Variants in SOX5 observed in about 807,000 individuals in gnomAD.
SOX5 encodes the protein transcription factor SOX-5.
In SOX5, 9 loss-of-function variants were observed where a neutral mutation model predicts 92.0. The observed-to-expected ratio is 0.10, with a 90% CI of 0.06 to 0.17. SOX5 has a LOEUF of 0.17. Among genes scored for constraint, SOX5 ranks in the 10% least tolerant of loss-of-function variants. The pLI is 1.00. For missense variants in SOX5, 642 were observed against 944.5 expected, an observed-to-expected ratio of 0.68 and a Z score of 4.20; for synonymous variants, 344 against 336.3, an observed-to-expected ratio of 1.02 and a Z score of -0.25.
chr12:24,045,465 T>C (rs1042055721), intron 4 of SOX5, among the ~76,000 whole-genome samples: 2 of 152,036 alleles, frequency 1.3e-5, no homozygotes, highest in Non-Finnish European at 2.9e-5. Flanking sequence ...GCCCAGCTAA[T>C]TTTTAAATTT....
At chr12:24,145,691 G>A (rs1353818988) in intron 4 of SOX5, among the ~76,000 whole-genome samples, 1 of 152,030 alleles carries the variant, frequency 6.6e-6, no homozygotes, top group African/African-American at 2.4e-5. Flanking sequence ...TTCTTTTGTA[G>A]AGGCAGGGTT....
Position 24,344,387 on chromosome 12 carries a change from T to C in SOX5, c.-174+24176A>G, listed in dbSNP as rs531604695. On this transcript the variant is annotated intron_variant, in intron 2 of 4. Transcript: ENST00000446891. The stretch of plus-strand genomic sequence containing the variant: ...TTCCATGGAGTGCTCTCATTGCTGC[T>C]TGGCCAGTTTGCGATTTGGTATCTG... Among the ~76,000 whole-genome samples the C allele has an allele frequency of 8.5e-5, 13 of 152,068 alleles. No individual in the cohort carries two copies. The East Asian group carries it at 2.3e-3, about 27-fold the overall frequency.
chr12:24,228,493 T>A (rs945223848), intron 3 of SOX5, among the ~76,000 whole-genome samples: 6 of 152,202 alleles, frequency 3.9e-5, no homozygotes, highest in African/African-American at 7.2e-5. Context: ...CATCTTTTTT[T>A]AAGCTCTATG....
At chr12:23,844,557 T>A (rs2136006740) in intron 3 of SOX5, among the ~76,000 whole-genome samples, 1 of 152,160 alleles carries the variant, frequency 6.6e-6, no homozygotes, top group South Asian at 2.1e-4. Context: ...TCAAAAAAAT[T>A]CAGATAAGAT....
intron 3 of SOX5, among the ~76,000 whole-genome samples, chr12:24,239,938 C>T (rs749144067): frequency 1.3e-5 from 2 of 152,114 alleles, no homozygotes; most frequent in Non-Finnish European, 2.9e-5. Flanking sequence ...AATAAAACTG[C>T]ATTGCCACAG....
At chr12:24,080,217 C>T (rs1943154636) in intron 4 of SOX5, among the ~76,000 whole-genome samples, 1 of 151,882 alleles carries the variant, frequency 6.6e-6, no homozygotes, top group Non-Finnish European at 1.5e-5. Flanking sequence ...AAGAATGCCT[C>T]TGTGTATTTT....
At chr12:23,650,591 TAGAG>T (rs1391266421) in intron 7 of SOX5, among the ~76,000 whole-genome samples, 1 of 152,082 alleles carries the variant, frequency 6.6e-6, no homozygotes, top group Non-Finnish European at 1.5e-5. Flanking sequence ...CATGGGCTGA[TAGAG>T]AAATTGGTGG....
chr12:23,630,127 T>C (rs928014173), intron 8 of SOX5, among the ~76,000 whole-genome samples: 4 of 151,912 alleles, frequency 2.6e-5, no homozygotes, highest in Admixed American at 6.6e-5. Flanking sequence ...GCATATTACA[T>C]TAAAAGCACC....
At chr12:23,703,517 G>C (rs563204310) in intron 6 of SOX5, among the ~76,000 whole-genome samples, 1 of 151,842 alleles carries the variant, frequency 6.6e-6, no homozygotes, top group Non-Finnish European at 1.5e-5. Flanking sequence ...ATCAGCGAGT[G>C]AAAAAGCTGA....
In SOX5 at chr12:24,355,282, C is replaced by CTTTTTTTT. The variant is rs768157437; in HGVS notation, c.-174+13273_-174+13280dup. ...TTAGCAGGTGTGGTGAGGGGTGCAT[C>CTTTTTTTT]TTTTTTTTTTTTTTTTTTTTTTTTT... is the stretch of plus-strand genomic sequence containing the variant. On this transcript the variant is annotated intron_variant, in intron 2 of 4. Transcript: ENST00000446891. Among the ~76,000 whole-genome samples the CTTTTTTTT allele has an allele frequency of 1.5e-3, 107 of 71,914 alleles. 8 individuals carry two copies. The highest frequency in any genetic ancestry group is 2.1e-3 in the African/African-American group (29 of 13,608). 47.2% of individuals were successfully genotyped at this position (71,914 alleles called of 152,430 possible).
intron 1 of SOX5, among the ~76,000 whole-genome samples, chr12:24,525,745 G>A (rs897914953): frequency 2.0e-5 from 3 of 151,878 alleles, no homozygotes; most frequent in African/African-American, 4.8e-5. Context: ...GGTGGCGGGC[G>A]CCTGTAGTCC....
intron 1 of SOX5, among the ~76,000 whole-genome samples, chr12:24,511,753 T>A (rs1949327422): frequency 6.6e-6 from 1 of 151,952 alleles, no homozygotes; most frequent in African/African-American, 2.4e-5. Flanking sequence ...GGTCAGGAGA[T>A]CAAGACCATC....
intron 4 of SOX5, among the ~76,000 whole-genome samples, chr12:24,116,584 T>C (rs1019273241): frequency 2.0e-5 from 3 of 152,186 alleles, no homozygotes; most frequent in Admixed American, 6.5e-5. Flanking sequence ...CTATGCTAGC[T>C]TTCAATTTAC....
chr12:24,226,878 GAATGAATA>G (rs71059992), intron 3 of SOX5, among the ~76,000 whole-genome samples: 72,059 of 150,620 alleles, frequency 0.48, 17,878 homozygotes, highest in East Asian at 0.72. Context: ...ATGAATGAAT[GAATGAATA>G]AATCTACTGG....
intron 4 of SOX5, among the ~76,000 whole-genome samples, chr12:24,198,974 A>G (rs1353082249): frequency 6.6e-6 from 1 of 151,988 alleles, no homozygotes; most frequent in Non-Finnish European, 1.5e-5. Flanking sequence ...CCCATGACAA[A>G]CTAAGGCAGG....
intron 8 of SOX5, among the ~76,000 whole-genome samples, chr12:23,615,626 T>A (rs1592605011): frequency 1.3e-5 from 2 of 152,196 alleles, no homozygotes; most frequent in East Asian, 3.8e-4. Flanking sequence ...CTGTGCTAGT[T>A]TGCTAACGAT....
chr12:24,093,999 C>G (rs866135134), intron 4 of SOX5, among the ~76,000 whole-genome samples: 2 of 151,982 alleles, frequency 1.3e-5, no homozygotes, highest in Admixed American at 1.3e-4. Context: ...CAGGCTGGAG[C>G]GCAATGGTGT....
At chr12:24,145,670 T>C (rs1005005354) in intron 4 of SOX5, among the ~76,000 whole-genome samples, 1 of 152,144 alleles carries the variant, frequency 6.6e-6, no homozygotes, top group Non-Finnish European at 1.5e-5. Context: ...TGATTTTTTA[T>C]CTTTTTTGTA....
chr12:24,159,994 T>C (rs2138968548), intron 4 of SOX5, among the ~76,000 whole-genome samples: 1 of 151,984 alleles, frequency 6.6e-6, no homozygotes, highest in South Asian at 2.1e-4. Context: ...TCAATACAAA[T>C]AACCATTACA....
Sources: gnomAD v4.1 joint callset for allele counts (sites outside exome capture counted in the v4.1 genomes callset) on GRCh38, gnomAD v4.1.1 for gene constraint, MANE v1.5 for transcripts, NCBI Gene and HGNC (gene_info 2026-07-23, HGNC 2026-07-21) for gene names.